The following FSAF1 variants were observed in gnomAD, a reference collection of about 807,000 sequenced individuals.
FSAF1 encodes 40S small subunit processome assembly factor 1.
the FSAF1 span, chr1:231,226,848 C>A: frequency 6.3e-7 from 1 of 1,593,866 alleles, no homozygotes; most frequent in Non-Finnish European, 8.6e-7. Context: ...AACAAAGAAA[C>A]AAACCATCAT....
chr1:231,239,131 T>C, the FSAF1 span: 2 of 1,604,734 alleles, frequency 1.2e-6, no homozygotes, highest in Non-Finnish European at 1.7e-6. Flanking sequence ...CACATCTCTC[T>C]TCTTGTTTTC....
the FSAF1 span, chr1:231,238,942 T>C: frequency 1.2e-6 from 2 of 1,613,990 alleles, no homozygotes; most frequent in African/African-American, 2.7e-5. Context: ...CCTATTGTTC[T>C]TTAGGGAAGA....
the FSAF1 span, chr1:231,224,418 C>A: frequency 6.2e-7 from 1 of 1,601,886 alleles, no homozygotes; most frequent in Non-Finnish European, 8.5e-7. Context: ...GGATTTCCTA[C>A]ATTTAAAGTA....
At chr1:231,224,371 G>A in the FSAF1 span, 65 of 1,611,950 alleles carry the variant, frequency 4.0e-5, no homozygotes, top group African/African-American at 5.3e-5. Context: ...TGTCCAATCC[G>A]TCCATTTGAC....
chr1:231,229,060 T>C, the FSAF1 span: 4 of 788,352 alleles, frequency 5.1e-6, no homozygotes, highest in Non-Finnish European at 7.9e-6. Flanking sequence ...TGTTATAAAC[T>C]TATAATAAAT....
chr1:231,233,307 A>T, the FSAF1 span, among the ~76,000 whole-genome samples: 1 of 152,214 alleles, frequency 6.6e-6, no homozygotes, highest in African/African-American at 2.4e-5. Context: ...ACAGTGTTGA[A>T]GCCAGAAAGC....
At chr1:231,229,059 C>T in the FSAF1 span, 1 of 780,290 alleles carries the variant, frequency 1.3e-6, no homozygotes. Flanking sequence ...ATGTTATAAA[C>T]TTATAATAAA....
the FSAF1 span, among the ~76,000 whole-genome samples, chr1:231,233,503 T>C: frequency 3.0e-3 from 463 of 152,330 alleles, 6 homozygotes; most frequent in Admixed American, 0.028. Flanking sequence ...ATTAAACACA[T>C]TAATATTTCT....
chr1:231,238,864 T>G, the FSAF1 span: 2 of 1,611,306 alleles, frequency 1.2e-6, no homozygotes, highest in East Asian at 4.5e-5. Context: ...TACCTTTGTG[T>G]TCTTGTTATG....
chr1:231,241,166 C>T, the FSAF1 span: 2 of 1,595,560 alleles, frequency 1.3e-6, no homozygotes, highest in South Asian at 1.1e-5. Context: ...CCCCCGCTTC[C>T]GGGTTCCGCG....
the FSAF1 span, chr1:231,226,572 T>G: frequency 1.5e-6 from 1 of 662,588 alleles, no homozygotes; most frequent in South Asian, 1.9e-5. Flanking sequence ...GCCAGATTAC[T>G]TGGCTGGTAT....
At chr1:231,224,957 C>T in the FSAF1 span, 1 of 165,756 alleles carries the variant, frequency 6.0e-6, no homozygotes, top group Admixed American at 5.7e-5. Context: ...GAACAAATGA[C>T]CATTTTACAG....
the FSAF1 span, chr1:231,227,127 C>A: frequency 5.2e-6 from 8 of 1,532,952 alleles, no homozygotes; most frequent in South Asian, 9.0e-5. Flanking sequence ...AAGAAAAAAA[C>A]ATACTGCCAG....
the FSAF1 span, among the ~76,000 whole-genome samples, chr1:231,236,226 C>G: frequency 1.3e-5 from 2 of 152,140 alleles, no homozygotes; most frequent in Non-Finnish European, 2.9e-5. Flanking sequence ...CAGGATATGC[C>G]ATAAGAACTA....
chr1:231,239,807 T>G, the FSAF1 span, among the ~76,000 whole-genome samples: 1 of 152,232 alleles, frequency 6.6e-6, no homozygotes, highest in Admixed American at 6.5e-5. Flanking sequence ...ATTTGCTTAA[T>G]CTTTTATACA....
chr1:231,232,724 AAG>A, the FSAF1 span, among the ~76,000 whole-genome samples: 1 of 152,194 alleles, frequency 6.6e-6, no homozygotes, highest in Non-Finnish European at 1.5e-5. Flanking sequence ...TAGAAAAAGA[AAG>A]AACAGTTTGG....
chr1:231,233,756 T>C, the FSAF1 span, among the ~76,000 whole-genome samples: 1 of 152,192 alleles, frequency 6.6e-6, no homozygotes, highest in Non-Finnish European at 1.5e-5. Flanking sequence ...TTTCACCATA[T>C]TGGCCAGGCT....
At chr1:231,227,590 T>G in the FSAF1 span, among the ~76,000 whole-genome samples, 12 of 141,948 alleles carry the variant, frequency 8.5e-5, no homozygotes, top group East Asian at 1.5e-3. Context: ...CCACGGTTTT[T>G]TTTTTTTTTT....
the FSAF1 span, among the ~76,000 whole-genome samples, chr1:231,236,492 A>C: frequency 6.6e-6 from 1 of 152,218 alleles, no homozygotes; most frequent in South Asian, 2.1e-4. Context: ...ACTAGAATGC[A>C]TCAGGGCTCG....
Sources: allele counts gnomAD v4.1 joint callset (sites outside exome capture counted in the v4.1 genomes callset), GRCh38; gene constraint gnomAD v4.1.1; transcripts MANE v1.5; gene names NCBI Gene and HGNC (gene_info 2026-07-23, HGNC 2026-07-21).